GPR26: variants seen among roughly 807,000 people sequenced by gnomAD.
GPR26 encodes the protein G protein-coupled receptor 26.
In GPR26, 15 loss-of-function variants were observed where a neutral mutation model predicts 23.1. That is an observed-to-expected ratio of 0.65 (90% CI 0.43 to 1.00). The LOEUF (loss-of-function observed/expected upper bound fraction) is 1.00, where lower values mean the gene tolerates loss of function less well. Among genes scored for constraint, GPR26 ranks in the 50% least tolerant of loss-of-function variants. The pLI is 0.00. For missense variants in GPR26, 359 were observed against 470.5 expected (o/e 0.76, Z 2.19); for synonymous variants, 228 against 222.1 (o/e 1.03, Z -0.24).
chr10:123,677,584 G>A (rs1423839907), intron 2 of GPR26, among the ~76,000 whole-genome samples: 1 of 152,194 alleles, frequency 6.6e-6, no homozygotes, highest in Non-Finnish European at 1.5e-5. Flanking sequence ...CCCTCCAGCG[G>A]AGGCATGGGT....
rs1845535025 is a variant in GPR26 at position 123,695,590 on chromosome 10, A to G, written c.*7430A>G. On this transcript the variant is annotated 3_prime_UTR_variant, in exon 3 of 3. Transcript: ENST00000284674. ...TTGGATGCCATCACGTTGACACTCA[A>G]TTGATTGGGTGACCCAAGATGGTCA... Among the ~76,000 whole-genome samples, 1 of 151,452 alleles carries G rather than the reference A, an allele frequency of 6.6e-6. No individual in the cohort carries two copies. The highest frequency in any genetic ancestry group is 6.6e-5 in the Admixed American group (1 of 15,250).
chr10:123,671,444 A>G (rs775299323), intron 1 of GPR26, among the ~76,000 whole-genome samples: 30 of 147,154 alleles, frequency 2.0e-4, no homozygotes, highest in Non-Finnish European at 3.9e-4. Context: ...CTGGCTGAAC[A>G]GTACCTGTCA....
At position 123,678,740 on chromosome 10, in the gene GPR26, G is replaced by T. The variant is rs1845335430; in HGVS notation, c.782+3809G>T. ...TGAATTTATATTTACTGCACCAGGG[G>T]CCGTCTGAGCCCCAGCTGTGCATGG... is the stretch of plus-strand genomic sequence containing the variant. On this transcript the variant is annotated intron_variant, in intron 2 of 2. Transcript: ENST00000284674. Among the ~76,000 whole-genome samples, 3 of 152,190 alleles carry T rather than the reference G, an allele frequency of 2.0e-5. No individual in the cohort carries two copies. In the South Asian group the frequency reaches 6.2e-4, roughly 32 times the overall value.
chr10:123,686,721 C>T (rs1449605998), intron 2 of GPR26, among the ~76,000 whole-genome samples: 1 of 152,212 alleles, frequency 6.6e-6, no homozygotes, highest in African/African-American at 2.4e-5. Flanking sequence ...TGAGAGCCAC[C>T]ACCGCCTTCT....
In GPR26 at chr10:123,690,778, C is replaced by T. The variant is rs2133933917; in HGVS notation, c.*2618C>T. ...TCTCTATACAGTCTATCAAATTTGC[C>T]CCCTGGCTTTATTACTCCCAATTGA... On this transcript the variant is annotated 3_prime_UTR_variant, in exon 3 of 3. Transcript: ENST00000284674. The T allele has an allele frequency of 6.6e-6, 1 of 152,244 alleles. No homozygotes were observed. Among genetic ancestry groups the T allele is most frequent in the East Asian group, 1.9e-4 (1 of 5,184 alleles). 9.4% of individuals were successfully genotyped at this position (152,244 alleles called of 1,614,324 possible).
chr10:123,677,232 C>T (rs575054305), intron 2 of GPR26, among the ~76,000 whole-genome samples: 7 of 152,216 alleles, frequency 4.6e-5, no homozygotes, highest in African/African-American at 1.2e-4. Context: ...CAGGAAGTAA[C>T]GTTTCAGTAA....
Position 123,671,996 on chromosome 10 carries a change from T to C in GPR26, c.669-2822T>C, listed in dbSNP as rs78479708. Reference sequence around the variant, plus strand: ...TCATACTGTGCTTAAATAATAATCATAATAATAAGCAAGAGGGCCGTGATG... The same window carrying C: ...TCATACTGTGCTTAAATAATAATCACAATAATAAGCAAGAGGGCCGTGATG... On this transcript the variant is annotated intron_variant, in intron 1 of 2. Coordinates refer to ENST00000284674, the MANE Select transcript of GPR26 (RefSeq NM_153442.4). 6.1e-3 allele frequency among the ~76,000 whole-genome samples: 929 copies of C among 152,222 alleles called. 8 individuals are homozygous for C. Among genetic ancestry groups the C allele is most frequent in the African/African-American group, 0.021 (866 of 41,526 alleles).
At chr10:123,685,287 T>C (rs1038234231) in intron 2 of GPR26, among the ~76,000 whole-genome samples, 6 of 152,210 alleles carry the variant, frequency 3.9e-5, no homozygotes, top group African/African-American at 1.2e-4. Context: ...CTGGTGCTCA[T>C]CCAGATGCCT....
At chr10:123,685,425 C>T (rs192627180) in intron 2 of GPR26, among the ~76,000 whole-genome samples, 432 of 152,246 alleles carry the variant, frequency 2.8e-3, no homozygotes, top group Non-Finnish European at 4.6e-3. Context: ...CCACGGCAGG[C>T]GCAGGGAACC....
In GPR26 at chr10:123,696,477, T is replaced by C. The variant is rs890361592; in HGVS notation, c.*8317T>C. On this transcript the variant is annotated 3_prime_UTR_variant, in exon 3 of 3. Transcript: ENST00000284674. ...CATCCAGAGAGTGGCTAGTAGATGA[T>C]AGAAGGGAGTCCAGTTAAGGAAACC... Among the ~76,000 whole-genome samples the C allele has an allele frequency of 3.3e-5, 5 of 152,272 alleles. No individual in the cohort carries two copies. The highest frequency in any genetic ancestry group is 5.9e-5 in the Non-Finnish European group (4 of 68,016).
intron 2 of GPR26, among the ~76,000 whole-genome samples, chr10:123,676,459 C>T (rs1170179460): frequency 6.6e-6 from 1 of 152,126 alleles, no homozygotes; most frequent in East Asian, 1.9e-4. Flanking sequence ...CTGGCCTCTA[C>T]CCAGGGGATG....
chr10:123,666,417 T>A lies in GPR26; in HGVS notation c.10T>A (p.Trp4Arg), dbSNP rs1845182604. The change falls in exon 1 of 3, where the codon TGG (tryptophan) becomes AGG (arginine). Residue 4 changes from tryptophan to arginine, a missense_variant. Transcript: ENST00000284674. Reference sequence around the variant, plus strand: ...GCGCGGGGCGCGCACCATGAACTCGTGGGACGCGGGCCTGGCGGGGCTACT... The same window carrying A: ...GCGCGGGGCGCGCACCATGAACTCGAGGGACGCGGGCCTGGCGGGGCTACT... MNS[W>R]DAGLAGLLVG... 6.7e-7 allele frequency: 1 copy of A among 1,502,878 alleles called. No homozygotes were observed. The highest frequency in any genetic ancestry group is 2.7e-5 in the East Asian group (1 of 37,406). 93.1% of individuals were successfully genotyped at this position (1,502,878 alleles called of 1,614,324 possible).
In GPR26 at chr10:123,666,704, G is replaced by C. The variant is rs779341071; in HGVS notation, c.297G>C (p.Ala99=). 2.5e-5 allele frequency: 40 copies of C among 1,599,076 alleles called. No homozygotes were observed. Among genetic ancestry groups the C allele is most frequent in the Non-Finnish European group, 3.2e-5 (38 of 1,178,152 alleles). Residue 99 remains alanine, a synonymous_variant, in exon 1 of 3, where the codon GCG becomes GCC. Transcript: ENST00000284674. The part of the protein sequence containing the change: ...LAANSMLSMA[A]LSIDRWVAVV... The stretch of plus-strand genomic sequence containing the variant: ...CCAACTCCATGCTCAGCATGGCCGC[G>C]CTCAGCATCGACCGCTGGGTGGCCG...
intron 2 of GPR26, among the ~76,000 whole-genome samples, chr10:123,683,033 C>T (rs369207491): frequency 2.0e-5 from 3 of 150,756 alleles, no homozygotes; most frequent in East Asian, 3.9e-4. Flanking sequence ...CATGTGTTTA[C>T]GTGTGTGTGT....
chr10:123,697,316 T>C lies in GPR26; in HGVS notation c.*9156T>C, dbSNP rs1845556068. Among the ~76,000 whole-genome samples, 1 of 152,144 alleles carries C rather than the reference T, an allele frequency of 6.6e-6. No individual in the cohort carries two copies. Among genetic ancestry groups the C allele is most frequent in the Non-Finnish European group, 1.5e-5 (1 of 68,030 alleles). ...TGTGGATACATATCAAATGCTGTAA[T>C]ATATTTTTATGATAGAATTGATGGT... On this transcript the variant is annotated 3_prime_UTR_variant, in exon 3 of 3. Coordinates refer to ENST00000284674, the MANE Select transcript of GPR26 (RefSeq NM_153442.4).
chr10:123,682,986 G>A (rs1295222179), intron 2 of GPR26, among the ~76,000 whole-genome samples: 3 of 152,184 alleles, frequency 2.0e-5, no homozygotes, highest in Admixed American at 6.5e-5. Context: ...ACGTATGTGT[G>A]TGTGTATGTA....
Position 123,692,152 on chromosome 10 carries a change from A to G in GPR26, c.*3992A>G, listed in dbSNP as rs958898107. On this transcript the variant is annotated 3_prime_UTR_variant, in exon 3 of 3. Transcript: ENST00000284674. ...CATAAGGATGAGATATATTTGGGGTACTGGCAGAGGATGGCAGAGCTGGCT... is the reference window on the plus strand; with the variant it reads ...CATAAGGATGAGATATATTTGGGGTGCTGGCAGAGGATGGCAGAGCTGGCT... 3.3e-5 allele frequency: 5 copies of G among 152,224 alleles called. No homozygotes were observed. Among genetic ancestry groups the G allele is most frequent in the Admixed American group, 1.3e-4 (2 of 15,286 alleles). The allele number at this position is 152,224 out of a possible 1,614,324, so 9.4% of individuals were successfully genotyped here.
At chr10:123,683,039 T>C (rs922684824) in intron 2 of GPR26, among the ~76,000 whole-genome samples, 1 of 151,968 alleles carries the variant, frequency 6.6e-6, no homozygotes, top group African/African-American at 2.4e-5. Flanking sequence ...TTTACGTGTG[T>C]GTGTGTGTGT....
Position 123,684,027 on chromosome 10 carries a change from C to T in GPR26, c.783-3902C>T, listed in dbSNP as rs538678833. Among the ~76,000 whole-genome samples the T allele has an allele frequency of 2.8e-4, 43 of 152,336 alleles. No homozygotes were observed. In the Middle Eastern group the frequency reaches 0.014, roughly 48 times the overall value. On this transcript the variant is annotated intron_variant, in intron 2 of 2. Coordinates refer to ENST00000284674, the MANE Select transcript of GPR26 (RefSeq NM_153442.4). ...CCCGGCCTCTCCCCAGCTCCATCCC[C>T]TCCCCCAACCTGATCTGCTGACCGA...
Sources: gnomAD v4.1 joint callset for allele counts (sites outside exome capture counted in the v4.1 genomes callset) on GRCh38, gnomAD v4.1.1 for gene constraint, MANE v1.5 for transcripts, NCBI Gene and HGNC (gene_info 2026-07-23, HGNC 2026-07-21) for gene names.